DDX3Y: variants seen among roughly 807,000 people sequenced by gnomAD.
DDX3Y encodes DEAD-box helicase 3 Y-linked, also known as ATP-dependent RNA helicase DDX3Y.
DDX3Y carries 2 observed loss-of-function variants against 15.1 expected under a neutral mutation model. The observed-to-expected ratio is 0.13, with a 90% CI of 0.05 to 0.42. The LOEUF is 0.42. DDX3Y is among the 10% of genes least tolerant of loss of function. DDX3Y has a pLI of 0.99. For missense variants in DDX3Y, 81 were observed against 149.9 expected, an observed-to-expected ratio of 0.54 and a Z score of 2.40; for synonymous variants, 47 against 45.0, an observed-to-expected ratio of 1.04 and a Z score of -0.18.
chrY:12,910,988 G>A (rs766302259), intron 3 of DDX3Y, among the ~76,000 whole-genome samples: 1 of 28,951 alleles, frequency 3.5e-5, no homozygotes, highest in African/African-American at 1.4e-4. Flanking sequence ...TCAGCTCACT[G>A]CAAGCTCCAC....
intron 10 of DDX3Y, 154 bp from the exon 11 acceptor site, chrY:12,915,476 T>C: frequency 5.7e-6 from 1 of 175,373 alleles, no homozygotes; most frequent in East Asian, 1.1e-4. Context: ...TGTGTGTTTG[T>C]GTGTGTATGC....
upstream of DDX3Y, among the ~76,000 whole-genome samples, chrY:12,904,638 G>T: frequency 8.9e-5 from 3 of 33,740 alleles, no homozygotes; most frequent in African/African-American, 3.5e-4. Context: ...AGAGGGCGGG[G>T]ATAGCAAACA....
Position 12,917,439 on chromosome Y carries a change from T to C in DDX3Y, c.1800T>C (p.Tyr600=). 2.5e-6 allele frequency: 1 copy of C among 398,797 alleles called. No individual in the cohort carries two copies. Among genetic ancestry groups the C allele is most frequent in the Non-Finnish European group, 3.5e-6 (1 of 283,422 alleles). The part of the protein sequence containing the change: ...RFSGGFGARD[Y]RQSSGSSSSG... ...GTGGAGGATTTGGTGCCAGAGACTA[T>C]CGACAAAGTAGTGGTTCCAGCAGTT... The change falls in exon 16 of 17, where the codon TAT becomes TAC. Residue 600 remains tyrosine, a synonymous_variant. Coordinates refer to ENST00000336079, the MANE Select transcript of DDX3Y (RefSeq NM_004660.5).
chrY:12,920,372 C>T lies in DDX3Y; in HGVS notation c.*2250C>T, dbSNP rs1035426477. On this transcript the variant is annotated 3_prime_UTR_variant, in exon 17 of 17. Transcript: ENST00000336079. The stretch of plus-strand genomic sequence containing the variant: ...ATTGCTGAATGTAATCATTGAACCT[C>T]GAGTCACTGTAAAAGTTCAGTAATT... 5.9e-5 allele frequency: 2 copies of T among 33,950 alleles called. No homozygotes were observed. Among genetic ancestry groups the T allele is most frequent in the African/African-American group, 1.2e-4 (1 of 8,688 alleles). The allele number at this position is 33,950 out of a possible 400,897, so 8.5% of individuals were successfully genotyped here.
rs2053657929 is a variant in DDX3Y at position 12,918,601 on chromosome Y, AAG to A, written c.*480_*481del. The A allele has an allele frequency of 2.9e-5, 1 of 34,032 alleles. No homozygotes were observed. Among genetic ancestry groups the A allele is most frequent in the Non-Finnish European group, 7.2e-5 (1 of 13,804 alleles). The allele number at this position is 34,032 out of a possible 400,897, so 8.5% of individuals were successfully genotyped here. A position where few individuals can be genotyped will look rare whatever the true frequency, so the allele number is the denominator to read the frequency against. ...TCATCAATTCATCCATAAATATAAA[AAG>A]GGAAAAAAACTTAAGGCAGTAGTCT... On this transcript the variant is annotated 3_prime_UTR_variant, in exon 17 of 17. Transcript: ENST00000336079.
intron 3 of DDX3Y, chrY:12,909,649 T>G (rs1040302292): frequency 1.5e-5 from 1 of 67,586 alleles, no homozygotes; most frequent in African/African-American, 1.0e-4. Flanking sequence ...GTTTATCTGT[T>G]TGTAAACATT....
intron 7 of DDX3Y, 127 bp downstream of exon 7, chrY:12,913,980 G>A: frequency 1.9e-5 from 3 of 160,490 alleles, no homozygotes; most frequent in Non-Finnish European, 3.2e-5. Flanking sequence ...ATTAGCTGAG[G>A]ATGTGTCTTT....
intron 2 of DDX3Y, among the ~76,000 whole-genome samples, chrY:12,908,303 C>T (rs2053617499): frequency 3.0e-5 from 1 of 33,483 alleles, no homozygotes; most frequent in Non-Finnish European, 7.4e-5. Context: ...CAGTAGTATC[C>T]CTGGTTTGAG....
In DDX3Y at chrY:12,904,882, G is replaced by A; in HGVS notation, c.-55G>A. ...GCTGTAGGTCCAGTGTAAGAGTTCCGCTATTCGGTCTCACACCTACAGTGG... is the reference window on the plus strand; with the variant it reads ...GCTGTAGGTCCAGTGTAAGAGTTCCACTATTCGGTCTCACACCTACAGTGG... On this transcript the variant is annotated 5_prime_UTR_variant, in exon 1 of 17. Transcript: ENST00000336079. The A allele has an allele frequency of 5.4e-6, 2 of 372,205 alleles. No individual in the cohort carries two copies. The highest frequency in any genetic ancestry group is 9.4e-5 in the East Asian group (1 of 10,675). 92.8% of individuals were successfully genotyped at this position (372,205 alleles called of 400,897 possible).
chrY:12,913,276 C>G, intron 6 of DDX3Y, among the ~76,000 whole-genome samples: 1 of 33,733 alleles, frequency 3.0e-5, no homozygotes, highest in South Asian at 6.7e-4. Flanking sequence ...CTGCATCCTC[C>G]TTCCTGGGTT....
At chrY:12,904,741 AG>A (rs2053605937), upstream of DDX3Y, 1 of 155,807 alleles carries the variant, frequency 6.4e-6, no homozygotes, top group African/African-American at 8.8e-5. Context: ...GTAGCGATAA[AG>A]GGATTGGGTG....
Position 12,912,744 on chromosome Y carries a change from G to A in DDX3Y, c.299G>A (p.Arg100Gln). 1 of 396,142 alleles carries A rather than the reference G, an allele frequency of 2.5e-6. No individual in the cohort carries two copies. Among genetic ancestry groups the A allele is most frequent in the Non-Finnish European group, 3.5e-6 (1 of 282,890 alleles). The change falls in exon 5 of 17, where the codon CGG becomes CAG. Residue 100 changes from arginine (R) to glutamine (Q), a missense_variant. Physicochemically the swap from Arg to Gln is conservative, Grantham distance 43. Transcript: ENST00000336079. ...GSRGRFDDRG[R>Q]SDYDGIGNRE... ...CTATTCAGATTTGATGATCGTGGAC[G>A]GAGTGACTATGATGGTATTGGCAAT...
In DDX3Y at chrY:12,912,736, T is replaced by C; in HGVS notation, c.291T>C (p.Asp97=). 1 of 398,305 alleles carries C rather than the reference T, an allele frequency of 2.5e-6. No homozygotes were observed. The highest frequency in any genetic ancestry group is 3.5e-6 in the Non-Finnish European group (1 of 283,359). ...RGSGSRGRFD[D]RGRSDYDGIG... is the part of the protein sequence containing the mutation. ...TGCTTGTGCTATTCAGATTTGATGA[T>C]CGTGGACGGAGTGACTATGATGGTA... The change falls in exon 5 of 17, where the codon GAT becomes GAC. Residue 97 remains aspartate, a synonymous_variant. Transcript: ENST00000336079.
chrY:12,910,690 T>C, intron 3 of DDX3Y, among the ~76,000 whole-genome samples: 2 of 33,366 alleles, frequency 6.0e-5, no homozygotes, highest in Non-Finnish European at 1.5e-4. Context: ...ATTTAGCTGA[T>C]CTGTTTCTTT....
rs1366122387 is a variant in DDX3Y, at chrY:12,917,517, C to T, written c.1878C>T (p.Tyr626=). ...GCAGCCGCAGTGGTGGAGGTGGTTA[C>T]GGCAACAGCAGAGGATTTGGTGGAG... is the stretch of plus-strand genomic sequence containing the variant. ...GSSSRSGGGG[Y]GNSRGFGGGG... The change falls in exon 16 of 17, where the codon TAC becomes TAT. Residue 626 remains tyrosine, a synonymous_variant. Coordinates refer to ENST00000336079, the MANE Select transcript of DDX3Y (RefSeq NM_004660.5). 4 of 393,287 alleles carry T rather than the reference C, an allele frequency of 1.0e-5. No homozygotes were observed. The Admixed American group carries it at 2.3e-4, about 23-fold the overall frequency.
At chrY:12,908,362 GAAACA>G (rs9341288) in intron 2 of DDX3Y, among the ~76,000 whole-genome samples, 10 of 33,843 alleles carry the variant, frequency 3.0e-4, no homozygotes, top group African/African-American at 6.9e-4. Flanking sequence ...GGTATGCTTT[GAAACA>G]AAACAAAACA....
chrY:12,905,110 T>G, intron 1 of DDX3Y, 129 bp downstream of exon 1: 1 of 194,923 alleles, frequency 5.1e-6, no homozygotes, highest in Admixed American at 9.3e-5. Context: ...ACTGGGACTC[T>G]AGGGAAATGG....
At chrY:12,907,485 G>A in intron 1 of DDX3Y, 52 bp from the exon 2 acceptor site, 1 of 231,172 alleles carries the variant, frequency 4.3e-6, no homozygotes, top group African/African-American at 7.9e-5. Flanking sequence ...TGTCTTTTGT[G>A]ATGTTATCTG....
In DDX3Y at chrY:12,916,519, G is replaced by A; in HGVS notation, c.1494G>A (p.Val498=). Residue 498 remains valine, a splice_region_variant and synonymous_variant, in exon 14 of 17, where the codon GTG becomes GTA. Coordinates refer to ENST00000336079, the MANE Select transcript of DDX3Y (RefSeq NM_004660.5). ...GKSPILVATA[V]AARGLDISNV... is the part of the protein sequence containing the mutation. ...TTTAAAAGAAGTTAATTTTTCAGGT[G>A]GCAGCACGAGGACTAGACATTTCAA... 1 of 394,489 alleles carries A rather than the reference G, an allele frequency of 2.5e-6. No individual in the cohort carries two copies. Among genetic ancestry groups the A allele is most frequent in the Non-Finnish European group, 3.6e-6 (1 of 281,378 alleles).
Sources: allele counts gnomAD v4.1 joint callset (sites outside exome capture counted in the v4.1 genomes callset), GRCh38; gene constraint gnomAD v4.1.1; transcripts MANE v1.5; gene names NCBI Gene and HGNC (gene_info 2026-07-23, HGNC 2026-07-21).